WDR11: variants seen among roughly 807,000 people sequenced by gnomAD.
WDR11 encodes WD repeat domain 11, also known as WD repeat-containing protein 11.
A neutral mutation model predicts 151.2 loss-of-function variants in WDR11; 83 were observed. The ratio of observed to expected loss-of-function variants is 0.55; its 90% confidence interval spans 0.46 to 0.66. WDR11 has a LOEUF of 0.66. Ranked by LOEUF, WDR11 falls within the 30% of genes least tolerant of loss-of-function variation. WDR11 has a pLI of 0.00. For synonymous variants in WDR11, 484 were observed against 533.1 expected, an observed-to-expected ratio of 0.91 and a Z score of 1.27; for missense variants, 1,301 against 1,480.9, an observed-to-expected ratio of 0.88 and a Z score of 1.99.
intron 19 of WDR11, among the ~76,000 whole-genome samples, chr10:120,896,782 G>T (rs749355834): frequency 2.0e-5 from 3 of 152,172 alleles, no homozygotes; most frequent in Non-Finnish European, 4.4e-5. Flanking sequence ...GGGAAATGGC[G>T]GTGGTGGGAA....
At chr10:120,899,735 A>T in intron 19 of WDR11, 1 of 359,774 alleles carries the variant, frequency 2.8e-6, no homozygotes, top group Non-Finnish European at 5.2e-6. Flanking sequence ...GTGAGCCGAG[A>T]TCGCACCACC....
intron 19 of WDR11, among the ~76,000 whole-genome samples, chr10:120,897,922 T>A (rs1265803643): frequency 6.6e-6 from 1 of 152,198 alleles, no homozygotes; most frequent in African/African-American, 2.4e-5. Context: ...ATATTTCCAA[T>A]CACTTTCTGG....
Position 120,890,810 on chromosome 10 carries a change from C to T in WDR11, c.2438C>T (p.Ser813Leu). ...WCTSDKVILA[S>L]DDGCIRVLEM... ...ACGTCAGATAAAGTGATCTTGGCCT[C>T]AGATGATGGGTGCATCAGAGTCCTA... is the stretch of plus-strand genomic sequence containing the variant. The change falls in exon 19 of 29, where the codon TCA (serine) becomes TTA (leucine). Residue 813 changes from serine to leucine, a missense_variant. Ser to Leu is a moderately radical substitution (Grantham distance 145). Transcript: ENST00000263461. 2 of 1,614,188 alleles carry T rather than the reference C, an allele frequency of 1.2e-6. No individual in the cohort carries two copies. Among genetic ancestry groups the T allele is most frequent in the East Asian group, 2.2e-5 (1 of 44,868 alleles).
At position 120,865,522 on chromosome 10, in the gene WDR11, T is replaced by TG. The variant is rs1564943454; in HGVS notation, c.880-108_880-107insG. 90 of 773,078 alleles carry TG rather than the reference T, an allele frequency of 1.2e-4. No individual in the cohort carries two copies. The African/African-American group carries it at 1.5e-3, about 13-fold the overall frequency. The allele number at this position is 773,078 out of a possible 1,614,324, so 47.9% of individuals were successfully genotyped here. Reference sequence around the variant, plus strand: ...TTAGTTTTAAAGTTTGGGATTTGTCTATTTTTTTTTCTTTTGCCCATATTA... The same window carrying TG: ...TTAGTTTTAAAGTTTGGGATTTGTCTGATTTTTTTTTCTTTTGCCCATATTA... On this transcript the variant is annotated intron_variant, in intron 6 of 28. Coordinates refer to ENST00000263461, the MANE Select transcript of WDR11 (RefSeq NM_018117.12).
chr10:120,866,581 T>C lies in WDR11; in HGVS notation c.1007T>C (p.Val336Ala). 6.2e-7 allele frequency: 1 copy of C among 1,614,168 alleles called. No individual in the cohort carries two copies. The highest frequency in any genetic ancestry group is 8.5e-7 in the Non-Finnish European group (1 of 1,180,028). ...TSNEEPDPDP[V>A]QELTYDLRSQ... ...ATTTTATGTGAAGATCCAGATCCAG[T>C]TCAGGAGCTTACCTATGATTTACGA... The change falls in exon 8 of 29, where the codon GTT becomes GCT. Residue 336 changes from valine to alanine, a missense_variant. Physicochemically the swap from Val to Ala is moderately conservative, Grantham distance 64. This residue lies in a region of WDR11 where 692 missense variants were observed against 762.5 expected (regional missense o/e 0.91). Transcript: ENST00000263461.
Position 120,890,029 on chromosome 10 carries a change from A to T in WDR11, c.2343+20A>T. The T allele has an allele frequency of 6.6e-7, 1 of 1,511,190 alleles. No homozygotes were observed. The highest frequency in any genetic ancestry group is 9.2e-7 in the Non-Finnish European group (1 of 1,087,626). The allele number at this position is 1,511,190 out of a possible 1,614,324, so 93.6% of individuals were successfully genotyped here. ...AAAGAGGTAGGCCCTCTCCATGAGGATAAAACGTAAATAAATTGTTAGCCA... is the reference window on the plus strand; with the variant it reads ...AAAGAGGTAGGCCCTCTCCATGAGGTTAAAACGTAAATAAATTGTTAGCCA... On this transcript the variant is annotated intron_variant, in intron 18 of 28. Transcript: ENST00000263461.
At chr10:120,891,472 A>T (rs1847427005) in intron 19 of WDR11, among the ~76,000 whole-genome samples, 1 of 152,210 alleles carries the variant, frequency 6.6e-6, no homozygotes, top group Non-Finnish European at 1.5e-5. Context: ...TCTAAAAAAA[A>T]AAAGAATGGG....
At chr10:120,869,106 GTTTTTTTTTTT>G (rs35675368) in intron 9 of WDR11, among the ~76,000 whole-genome samples, 1 of 82,020 alleles carries the variant, frequency 1.2e-5, no homozygotes, top group African/African-American at 4.3e-5. Context: ...TAAATTACAG[GTTTTTTTTTTT>G]TTTTTTTTTT....
chr10:120,884,413 G>A (rs1020489752), intron 14 of WDR11, among the ~76,000 whole-genome samples: 11 of 152,054 alleles, frequency 7.2e-5, no homozygotes, highest in African/African-American at 2.4e-4. Flanking sequence ...TGTAGTAGAC[G>A]GTGTTGGGAA....
Position 120,909,393 on chromosome 10 carries a change from G to GTCTT in WDR11, c.*686_*689dup, listed in dbSNP as rs1401732187. ...ACATCACAGTAACCTCATTTTTGAA[G>GTCTT]TCTTTCTTTGTACTTTAATGTTCTC... On this transcript the variant is annotated 3_prime_UTR_variant, in exon 29 of 29. Transcript: ENST00000263461. 5.2e-5 allele frequency: 8 copies of GTCTT among 152,810 alleles called. No homozygotes were observed. The highest frequency in any genetic ancestry group is 1.9e-4 in the African/African-American group (8 of 41,452). 9.5% of individuals were successfully genotyped at this position (152,810 alleles called of 1,614,324 possible).
chr10:120,905,882 T>G lies in WDR11; in HGVS notation c.3298T>G (p.Leu1100Val). 6.2e-7 allele frequency: 1 copy of G among 1,614,168 alleles called. No homozygotes were observed. The highest frequency in any genetic ancestry group is 1.3e-5 in the African/African-American group (1 of 75,044). The change falls in exon 27 of 29, where the codon TTG becomes GTG. Residue 1100 changes from leucine (L) to valine (V), a missense_variant. Leu to Val is a conservative substitution (Grantham distance 32). Coordinates refer to ENST00000263461, the MANE Select transcript of WDR11 (RefSeq NM_018117.12). ...ACACAGGCGTCTTTCTCAGGTCCGT[T>G]TGAATCCTGAGGAGTGTGCCGATGT... ...NRAAWLAKVRLNPEECADVLR... is the reference protein window; with the variant it reads ...NRAAWLAKVRVNPEECADVLR...
chr10:120,864,675 G>A (rs980836297), intron 5 of WDR11, among the ~76,000 whole-genome samples: 1 of 152,096 alleles, frequency 6.6e-6, no homozygotes, highest in African/African-American at 2.4e-5. Context: ...CCTGAGTCTT[G>A]ATTTTAACAG....
In WDR11 at chr10:120,900,019, T is replaced by C. The variant is rs752626283; in HGVS notation, c.2516-10T>C. The C allele has an allele frequency of 5.6e-6, 9 of 1,608,344 alleles. No individual in the cohort carries two copies. The South Asian group carries it at 8.8e-5, about 16-fold the overall frequency. On this transcript the variant is annotated splice_polypyrimidine_tract_variant and intron_variant, in intron 19 of 28. Transcript: ENST00000263461. ...CATTTTATTTTTAAAAACCTTTCTT[T>C]GTTGTCTAGAGCCTGTGTGGTGCCC...
intron 28 of WDR11, chr10:120,907,216 A>G (rs1310717437): frequency 3.6e-6 from 1 of 278,334 alleles, no homozygotes; most frequent in East Asian, 7.9e-5. Context: ...CAGACATTCC[A>G]TGGAATAAAT....
At chr10:120,852,925 A>G (rs1845829681) in intron 2 of WDR11, among the ~76,000 whole-genome samples, 1 of 152,206 alleles carries the variant, frequency 6.6e-6, no homozygotes, top group Non-Finnish European at 1.5e-5. Flanking sequence ...GGATATGGAG[A>G]TGAAAGCCCT....
At position 120,866,688 on chromosome 10, in the gene WDR11, G is replaced by A. The variant is rs1328581162; in HGVS notation, c.1114G>A (p.Ala372Thr). The A allele has an allele frequency of 1.2e-5, 20 of 1,614,052 alleles. No individual in the cohort carries two copies. Among genetic ancestry groups the A allele is most frequent in the Admixed American group, 5.0e-5 (3 of 59,998 alleles). ...VCCPVNENAAALVVSDGRVMI... is the reference protein window; with the variant it reads ...VCCPVNENAATLVVSDGRVMI... ...CTGTCCTGTCAATGAGAATGCAGCC[G>A]CCCTCGTAGTGAGTGATGGCAGGGT... The change falls in exon 8 of 29, where the codon GCC becomes ACC. Residue 372 changes from alanine (A) to threonine (T), a missense_variant. Ala to Thr is a moderately conservative substitution (Grantham distance 58, BLOSUM62 0). Transcript: ENST00000263461.
intron 22 of WDR11, 58 bp downstream of exon 22, chr10:120,902,380 T>C: frequency 1.4e-6 from 2 of 1,467,530 alleles, no homozygotes; most frequent in East Asian, 4.5e-5. Context: ...ACTCATTTCT[T>C]TTAAGGGTTT....
intron 22 of WDR11, 29 bp from the exon 23 acceptor site, chr10:120,903,026 C>T: frequency 6.2e-7 from 1 of 1,612,140 alleles, no homozygotes; most frequent in South Asian, 1.1e-5. Flanking sequence ...GTGCTGAGTG[C>T]AGTCAAAACT....
intron 4 of WDR11, among the ~76,000 whole-genome samples, chr10:120,861,361 T>TC: frequency 6.6e-6 from 1 of 152,174 alleles, no homozygotes; most frequent in South Asian, 2.1e-4. Flanking sequence ...AATGTTTGTA[T>TC]ATGGACGTGT....
Sources: allele counts gnomAD v4.1 joint callset (sites outside exome capture counted in the v4.1 genomes callset), GRCh38; gene constraint gnomAD v4.1.1; regional missense constraint gnomAD v4.1.1; transcripts MANE v1.5; gene names NCBI Gene and HGNC (gene_info 2026-07-23, HGNC 2026-07-21).